GLT1D1: variants seen among roughly 807,000 people sequenced by gnomAD.
GLT1D1 encodes the protein glycosyltransferase 1 domain containing 1.
In GLT1D1, 21 loss-of-function variants were observed where a neutral mutation model predicts 28.7. The ratio of observed to expected loss-of-function variants is 0.73; its 90% CI spans 0.52 to 1.05. The LOEUF (loss-of-function observed/expected upper bound fraction) is 1.05. Ranked by LOEUF, GLT1D1 falls within the 50% of genes least tolerant of loss-of-function variation. The pLI, the probability that GLT1D1 is intolerant of heterozygous loss-of-function variation, is 0.00. For synonymous variants in GLT1D1, 147 were observed against 124.8 expected (o/e 1.18, Z -1.19); for missense variants, 343 against 330.6 (o/e 1.04, Z -0.29).
chr12:128,960,706 G>A (rs920380692), intron 7 of GLT1D1, among the ~76,000 whole-genome samples: 4 of 151,832 alleles, frequency 2.6e-5, no homozygotes, highest in East Asian at 1.9e-4. Context: ...GCAGTGAGCC[G>A]AGACTGCACC....
chr12:128,861,663 T>G (rs36100715), intron 1 of GLT1D1, among the ~76,000 whole-genome samples: 12,123 of 151,938 alleles, frequency 0.08, 652 homozygotes, highest in Non-Finnish European at 0.11. Context: ...GAACGGAGAG[T>G]GCAAAGGTGT....
chr12:128,903,478 G>A lies in GLT1D1; in HGVS notation c.375+4191G>A, dbSNP rs550392160. Reference sequence around the variant, plus strand: ...CTTTAATGCTGCCTTACAAGGGCACGGATGCAGGGAGGGGGAGAATTGATG... The same window carrying A: ...CTTTAATGCTGCCTTACAAGGGCACAGATGCAGGGAGGGGGAGAATTGATG... On this transcript the variant is annotated intron_variant, in intron 4 of 7. Coordinates refer to ENST00000281703, the MANE Select transcript of GLT1D1 (RefSeq NM_144669.3). Among the ~76,000 whole-genome samples the A allele has an allele frequency of 2.6e-5, 4 of 151,786 alleles. No individual in the cohort carries two copies. The East Asian group carries it at 7.7e-4, about 29-fold the overall frequency.
In GLT1D1 at chr12:128,942,973, T is replaced by A. The variant is rs1223728271; in HGVS notation, c.376-2353T>A. On this transcript the variant is annotated intron_variant, in intron 4 of 7. Coordinates refer to ENST00000281703, the MANE Select transcript of GLT1D1 (RefSeq NM_144669.3). ...CATGTTGGCCAGGATAGTCTCGATC[T>A]CCTGACCTCATGATCCACCCGCCTC... is the stretch of plus-strand genomic sequence containing the variant. 2.0e-5 allele frequency among the ~76,000 whole-genome samples: 3 copies of A among 152,142 alleles called. No homozygotes were observed. In the East Asian group the frequency reaches 5.8e-4, roughly 29 times the overall value.
intron 4 of GLT1D1, among the ~76,000 whole-genome samples, chr12:128,915,508 G>T (rs1261741499): frequency 1.3e-5 from 2 of 151,880 alleles, no homozygotes. Context: ...GGTACTACAT[G>T]CATGCGCCAC....
intron 1 of GLT1D1, among the ~76,000 whole-genome samples, chr12:128,874,059 CCTTTCTTT>C (rs1194476491): frequency 3.7e-3 from 129 of 34,670 alleles, no homozygotes; most frequent in Non-Finnish European, 4.7e-3. Flanking sequence ...CTCCCTCCCT[CCTTTCTTT>C]CTTTCTTTCT....
At chr12:128,902,202 G>C (rs1303965733) in intron 4 of GLT1D1, among the ~76,000 whole-genome samples, 1 of 151,376 alleles carries the variant, frequency 6.6e-6, no homozygotes, top group Non-Finnish European at 1.5e-5. Context: ...TGAAAAGTTC[G>C]GCCAGGTGCA....
At chr12:128,914,910 C>T (rs1871946593) in intron 4 of GLT1D1, 23 bp from the exon 6 acceptor site, 1 of 1,532,530 alleles carries the variant, frequency 6.5e-7, no homozygotes, top group Admixed American at 2.0e-5. Context: ...TGAACTTGCC[C>T]TTTTTTTGTT....
chr12:128,888,810 C>A, intron 3 of GLT1D1, 66 bp downstream of exon 3: 1 of 1,092,028 alleles, frequency 9.2e-7, no homozygotes, highest in Non-Finnish European at 1.4e-6. Flanking sequence ...TAATTGAAAC[C>A]AAAGACCGAG....
chr12:128,862,871 C>T (rs1045756199), intron 1 of GLT1D1, among the ~76,000 whole-genome samples: 2 of 152,156 alleles, frequency 1.3e-5, no homozygotes, highest in South Asian at 4.1e-4. Flanking sequence ...GACACAAGCA[C>T]GTAATTACCC....
chr12:128,956,338 T>G (rs1406903557), intron 6 of GLT1D1, among the ~76,000 whole-genome samples: 2 of 152,054 alleles, frequency 1.3e-5, no homozygotes, highest in South Asian at 4.2e-4. Context: ...TATTTTATAA[T>G]AAAGTGTTGA....
At chr12:128,890,880 T>C (rs764979440) in intron 3 of GLT1D1, among the ~76,000 whole-genome samples, 3 of 152,190 alleles carry the variant, frequency 2.0e-5, no homozygotes, top group Non-Finnish European at 4.4e-5. Context: ...GTGCCTGTAG[T>C]TCCAGCTACT....
intron 5 of GLT1D1, among the ~76,000 whole-genome samples, chr12:128,946,235 G>GA (rs892690049): frequency 7.2e-5 from 11 of 152,158 alleles, no homozygotes; most frequent in African/African-American, 1.2e-4. Context: ...ATTGTCTGGT[G>GA]AAAAAAATAG....
intron 2 of GLT1D1, among the ~76,000 whole-genome samples, chr12:128,877,495 T>C (rs1956896027): frequency 6.6e-6 from 1 of 152,248 alleles, no homozygotes; most frequent in Admixed American, 6.5e-5. Flanking sequence ...GAGCCCTCTC[T>C]GAACACTCTC....
At chr12:128,898,962 T>C (rs550870661) in intron 3 of GLT1D1, among the ~76,000 whole-genome samples, 17 of 152,350 alleles carry the variant, frequency 1.1e-4, no homozygotes, top group African/African-American at 4.1e-4. Flanking sequence ...TTTCTTGCTT[T>C]TGATTTTATC....
At chr12:128,928,654 C>T (rs1593145273) in intron 4 of GLT1D1, among the ~76,000 whole-genome samples, 2 of 150,376 alleles carry the variant, frequency 1.3e-5, no homozygotes, top group South Asian at 4.2e-4. Context: ...GAGTTTCGCT[C>T]CTGTCACCCA....
At chr12:128,892,479 GT>G (rs1253222637) in intron 3 of GLT1D1, among the ~76,000 whole-genome samples, 1 of 152,082 alleles carries the variant, frequency 6.6e-6, no homozygotes, top group Non-Finnish European at 1.5e-5. Context: ...AAACAATTCT[GT>G]TTACTAGAAA....
intron 4 of GLT1D1, among the ~76,000 whole-genome samples, chr12:128,921,568 C>T (rs369945676): frequency 1.3e-5 from 2 of 151,486 alleles, no homozygotes; most frequent in East Asian, 1.9e-4. Flanking sequence ...TTTATCTTAC[C>T]GTATGTCATA....
chr12:128,980,950 C>T (rs1162299194), intron 7 of GLT1D1, among the ~76,000 whole-genome samples: 3 of 152,172 alleles, frequency 2.0e-5, no homozygotes, highest in South Asian at 2.1e-4. Context: ...GGTAAGCACA[C>T]GACAGTCTGT....
intron 2 of GLT1D1, among the ~76,000 whole-genome samples, chr12:128,879,851 T>C (rs1487447957): frequency 1.3e-5 from 2 of 152,252 alleles, no homozygotes; most frequent in Admixed American, 1.3e-4. Flanking sequence ...ACTCATATCT[T>C]AGCTACTTTT....
Sources: allele counts gnomAD v4.1 joint callset (sites outside exome capture counted in the v4.1 genomes callset), GRCh38; gene constraint gnomAD v4.1.1; transcripts MANE v1.5; gene names NCBI Gene and HGNC (gene_info 2026-07-23, HGNC 2026-07-21).